Variants in CHST9 observed in about 807,000 individuals in gnomAD.
The protein encoded by CHST9 is GalNAc-4-sulfotransferase 2.
In CHST9, 41 loss-of-function variants were observed where a neutral mutation model predicts 44.4. That is an observed-to-expected ratio of 0.92 (90% CI 0.72 to 1.20). CHST9 has a LOEUF of 1.20. Among genes scored for constraint, CHST9 ranks in the 50% most tolerant of loss-of-function variants. The probability of loss-of-function intolerance (pLI) is 0.00; values close to 1 mark genes in which losing one functional copy is unlikely to be tolerated. For synonymous variants in CHST9, 171 were observed against 178.4 expected (o/e 0.96, Z 0.33); for missense variants, 504 against 516.5 (o/e 0.98, Z 0.23).
intron 4 of CHST9, chr18:26,952,544 T>G (rs2056264218): frequency 2.2e-6 from 1 of 447,662 alleles, no homozygotes; most frequent in South Asian, 1.9e-5. Context: ...GTGTATCTTT[T>G]ACCACCTTGT....
At chr18:27,135,500 C>T (rs2058506168) in intron 2 of CHST9, among the ~76,000 whole-genome samples, 1 of 152,058 alleles carries the variant, frequency 6.6e-6, no homozygotes, top group Admixed American at 6.6e-5. Context: ...ATTACAGTGA[C>T]CACTCTTTCT....
chr18:26,936,869 TG>T, intron 5 of CHST9, among the ~76,000 whole-genome samples: 1 of 152,306 alleles, frequency 6.6e-6, no homozygotes, highest in Non-Finnish European at 1.5e-5. Flanking sequence ...TTACATTAAA[TG>T]GTAAATTAAC....
intron 4 of CHST9, among the ~76,000 whole-genome samples, chr18:26,975,917 T>G (rs187404960): frequency 6.6e-6 from 1 of 151,524 alleles, no homozygotes; most frequent in East Asian, 2.0e-4. Context: ...GCCTTTTGTA[T>G]TCCCACATAC....
chr18:27,043,192 T>C (rs1341509381), intron 3 of CHST9, among the ~76,000 whole-genome samples: 1 of 152,036 alleles, frequency 6.6e-6, no homozygotes, highest in Non-Finnish European at 1.5e-5. Context: ...TTCTAAGGAT[T>C]CAGCCTTGCC....
At chr18:26,960,069 A>G (rs1427747627) in intron 4 of CHST9, among the ~76,000 whole-genome samples, 1 of 152,178 alleles carries the variant, frequency 6.6e-6, no homozygotes, top group Non-Finnish European at 1.5e-5. Flanking sequence ...TAAAGAAGTA[A>G]GTTTGGTGAG....
intron 3 of CHST9, among the ~76,000 whole-genome samples, chr18:27,046,943 T>A (rs1489763472): frequency 6.6e-6 from 1 of 152,106 alleles, no homozygotes; most frequent in Non-Finnish European, 1.5e-5. Flanking sequence ...GTGTTCCCTA[T>A]CAAAGATGCT....
chr18:26,946,729 C>G (rs563588643), intron 4 of CHST9, among the ~76,000 whole-genome samples: 3 of 152,262 alleles, frequency 2.0e-5, no homozygotes, highest in Non-Finnish European at 2.9e-5. Context: ...TTTCTGTTTT[C>G]TGCATATGGC....
intron 5 of CHST9, among the ~76,000 whole-genome samples, chr18:26,931,488 A>T (rs1173347940): frequency 2.0e-5 from 3 of 152,162 alleles, no homozygotes; most frequent in Non-Finnish European, 4.4e-5. Context: ...AACCAAAGAA[A>T]AGACTTGCCC....
chr18:27,117,491 T>G (rs558190599), intron 2 of CHST9, among the ~76,000 whole-genome samples: 1 of 152,286 alleles, frequency 6.6e-6, no homozygotes, highest in South Asian at 2.1e-4. Flanking sequence ...TCTATCATTA[T>G]AGTATCTTAC....
At chr18:27,024,299 T>G (rs2057259408) in intron 3 of CHST9, 142 bp from the exon 4 acceptor site, 3 of 657,720 alleles carry the variant, frequency 4.6e-6, no homozygotes, top group Non-Finnish European at 7.6e-6. Flanking sequence ...GGTCATGAAA[T>G]AAAATGTGTC....
intron 1 of CHST9, among the ~76,000 whole-genome samples, chr18:27,155,331 G>A (rs1187157703): frequency 6.6e-6 from 1 of 152,108 alleles, no homozygotes; most frequent in Non-Finnish European, 1.5e-5. Flanking sequence ...TGAAAGATTG[G>A]ATACTGTTAC....
intron 4 of CHST9, among the ~76,000 whole-genome samples, chr18:27,019,566 A>G (rs1466311857): frequency 1.3e-5 from 2 of 151,926 alleles, no homozygotes; most frequent in African/African-American, 4.8e-5. Context: ...CAGAAGAGTC[A>G]AGTTTTAGAT....
chr18:27,047,678 T>C (rs1450341895), intron 3 of CHST9, among the ~76,000 whole-genome samples: 1 of 152,056 alleles, frequency 6.6e-6, no homozygotes, highest in Non-Finnish European at 1.5e-5. Context: ...AGCTAGTGGA[T>C]GGGAGTGATT....
At chr18:27,014,886 T>C (rs2057132511) in intron 4 of CHST9, among the ~76,000 whole-genome samples, 1 of 152,160 alleles carries the variant, frequency 6.6e-6, no homozygotes, top group Non-Finnish European at 1.5e-5. Context: ...TTGTCATTCT[T>C]TTAGGGTCTC....
At chr18:27,039,370 G>T (rs1231806335) in intron 3 of CHST9, among the ~76,000 whole-genome samples, 1 of 152,106 alleles carries the variant, frequency 6.6e-6, no homozygotes, top group Non-Finnish European at 1.5e-5. Flanking sequence ...CTACAACATG[G>T]ATGAAATTTG....
chr18:26,971,644 G>A (rs1197721546), intron 4 of CHST9, among the ~76,000 whole-genome samples: 1 of 152,194 alleles, frequency 6.6e-6, no homozygotes, highest in African/African-American at 2.4e-5. Flanking sequence ...TCAGAGGGAG[G>A]AATGGACGTG....
At chr18:26,977,440 A>G (rs1598610448) in intron 4 of CHST9, among the ~76,000 whole-genome samples, 1 of 151,982 alleles carries the variant, frequency 6.6e-6, no homozygotes, top group South Asian at 2.1e-4. Context: ...AAAAAAAAAA[A>G]AAATGAAAAG....
chr18:27,076,336 T>A (rs1229715145), intron 2 of CHST9, among the ~76,000 whole-genome samples: 1 of 152,144 alleles, frequency 6.6e-6, no homozygotes, highest in Non-Finnish European at 1.5e-5. Context: ...TATTAATGAA[T>A]GTGTGTGTGT....
At chr18:26,999,599 GAACA>G (rs953048507) in intron 4 of CHST9, among the ~76,000 whole-genome samples, 7 of 151,818 alleles carry the variant, frequency 4.6e-5, no homozygotes, top group African/African-American at 1.7e-4. Flanking sequence ...AATTTAAATA[GAACA>G]AACATTTAAA....
Sources: gnomAD v4.1 joint callset for allele counts (sites outside exome capture counted in the v4.1 genomes callset) on GRCh38, gnomAD v4.1.1 for gene constraint, MANE v1.5 for transcripts, NCBI Gene and HGNC (gene_info 2026-07-23, HGNC 2026-07-21) for gene names.